The following GRIN2B variants were observed in gnomAD, a reference collection of about 807,000 sequenced individuals.
GRIN2B encodes the protein glutamate ionotropic receptor NMDA type subunit 2B, also known as glutamate receptor ionotropic, NMDA 2B.
Under a neutral mutation model 114.5 loss-of-function variants are expected in GRIN2B, and 5 were observed. That is an observed-to-expected ratio of 0.04 (90% CI 0.02 to 0.09). The LOEUF is 0.09. Ranked by LOEUF, GRIN2B falls within the 10% of genes least tolerant of loss-of-function variation. The pLI is 1.00. For synonymous variants in GRIN2B, 787 were observed against 745.1 expected (o/e 1.06, Z -0.92); for missense variants, 1,108 against 1,943.5 (o/e 0.57, Z 8.08).
chr12:13,815,049 G>C (rs745877389), intron 3 of GRIN2B, among the ~76,000 whole-genome samples: 5 of 151,908 alleles, frequency 3.3e-5, no homozygotes, highest in Non-Finnish European at 5.9e-5. Flanking sequence ...ACCTTTTATA[G>C]GTCAAAAACA....
intron 3 of GRIN2B, among the ~76,000 whole-genome samples, chr12:13,760,250 G>T (rs553905392): frequency 6.6e-6 from 1 of 152,158 alleles, no homozygotes; most frequent in East Asian, 1.9e-4. Context: ...GGCAGGGATC[G>T]GCATGTGTTT....
At chr12:13,637,156 A>C (rs1949673459) in intron 5 of GRIN2B, among the ~76,000 whole-genome samples, 1 of 152,186 alleles carries the variant, frequency 6.6e-6, no homozygotes. Flanking sequence ...AAGTTGAAAG[A>C]CTGGATTTTA....
chr12:13,712,992 T>A (rs1591690982), intron 4 of GRIN2B, among the ~76,000 whole-genome samples: 1 of 151,858 alleles, frequency 6.6e-6, no homozygotes, highest in Admixed American at 6.6e-5. Flanking sequence ...TGCTAAGTGA[T>A]GCAAGAAATC....
chr12:13,626,926 A>AC (rs1949574902), intron 5 of GRIN2B, among the ~76,000 whole-genome samples: 1 of 145,164 alleles, frequency 6.9e-6, no homozygotes, highest in Non-Finnish European at 1.5e-5. Flanking sequence ...ATTTTATTCC[A>AC]CCTCCTGGTC....
At chr12:13,899,540 C>G (rs1049924749) in intron 2 of GRIN2B, among the ~76,000 whole-genome samples, 1 of 143,634 alleles carries the variant, frequency 7.0e-6, no homozygotes, top group African/African-American at 2.4e-5. Context: ...GTTAGGCACA[C>G]AGCATAGTAG....
intron 3 of GRIN2B, among the ~76,000 whole-genome samples, chr12:13,763,729 G>A (rs141382676): frequency 6.6e-5 from 10 of 152,300 alleles, no homozygotes; most frequent in African/African-American, 2.4e-4. Flanking sequence ...CCACCCTGTG[G>A]CAGGCAACCC....
chr12:13,975,173 A>G (rs986078421), intron 2 of GRIN2B, among the ~76,000 whole-genome samples: 4 of 152,234 alleles, frequency 2.6e-5, no homozygotes, highest in Non-Finnish European at 4.4e-5. Flanking sequence ...TGCCAAGGCC[A>G]CTAACCATGG....
At chr12:13,699,886 C>CTTTTTT (rs5796554) in intron 4 of GRIN2B, among the ~76,000 whole-genome samples, 1 of 145,842 alleles carries the variant, frequency 6.9e-6, no homozygotes, top group Non-Finnish European at 1.5e-5. Context: ...CGCACCCAGC[C>CTTTTTT]TTTTTTTTTT....
intron 2 of GRIN2B, among the ~76,000 whole-genome samples, chr12:13,923,073 A>T (rs1292915856): frequency 6.6e-6 from 1 of 152,168 alleles, no homozygotes; most frequent in Non-Finnish European, 1.5e-5. Context: ...CTTTTTCTTT[A>T]AATCTAATAT....
At chr12:13,688,822 A>G (rs2136554849) in intron 4 of GRIN2B, among the ~76,000 whole-genome samples, 1 of 152,310 alleles carries the variant, frequency 6.6e-6, no homozygotes, top group Non-Finnish European at 1.5e-5. Flanking sequence ...TCAACTCTCA[A>G]TTGCCCTCAA....
chr12:13,944,313 C>T (rs1867325518), intron 2 of GRIN2B, among the ~76,000 whole-genome samples: 1 of 152,204 alleles, frequency 6.6e-6, no homozygotes, highest in Non-Finnish European at 1.5e-5. Context: ...CAACATTTCA[C>T]AACACTTCAC....
intron 3 of GRIN2B, among the ~76,000 whole-genome samples, chr12:13,810,456 G>A (rs1264792678): frequency 3.9e-5 from 6 of 152,046 alleles, no homozygotes; most frequent in Admixed American, 1.3e-4. Context: ...TAGCTTCGAG[G>A]TCTATCCTAT....
At chr12:13,761,003 C>A (rs1863671030) in intron 3 of GRIN2B, among the ~76,000 whole-genome samples, 1 of 152,156 alleles carries the variant, frequency 6.6e-6, no homozygotes, top group African/African-American at 2.4e-5. Flanking sequence ...TTCCGATGTT[C>A]TCCAGCCTCA....
At chr12:13,916,586 C>T (rs1464270836) in intron 2 of GRIN2B, among the ~76,000 whole-genome samples, 2 of 152,016 alleles carry the variant, frequency 1.3e-5, no homozygotes, top group Admixed American at 6.6e-5. Context: ...TGGTGGCTCA[C>T]GCCTATAATT....
At chr12:13,933,205 G>T (rs1277096486) in intron 2 of GRIN2B, among the ~76,000 whole-genome samples, 1 of 152,070 alleles carries the variant, frequency 6.6e-6, no homozygotes, top group East Asian at 1.9e-4. Flanking sequence ...CACCACCTCT[G>T]CAAATAGTAC....
chr12:13,855,504 C>T (rs563824127), intron 3 of GRIN2B, among the ~76,000 whole-genome samples: 1 of 152,104 alleles, frequency 6.6e-6, no homozygotes, highest in African/African-American at 2.4e-5. Context: ...AGGCCAGAAA[C>T]CTAAAATCAA....
At chr12:13,701,004 T>C (rs113475805) in intron 4 of GRIN2B, among the ~76,000 whole-genome samples, 40,960 of 151,640 alleles carry the variant, frequency 0.27, 6,113 homozygotes, top group Middle Eastern at 0.46. Context: ...GCTGGGGAGG[T>C]CTCAGGAAAC....
intron 5 of GRIN2B, among the ~76,000 whole-genome samples, chr12:13,633,901 G>A (rs1431985973): frequency 2.2e-5 from 3 of 137,730 alleles, no homozygotes; most frequent in South Asian, 2.6e-4. Context: ...CAGCGCCTAC[G>A]ACACAGCTGC....
chr12:13,795,310 G>C (rs1224732899), intron 3 of GRIN2B, among the ~76,000 whole-genome samples: 1 of 151,666 alleles, frequency 6.6e-6, no homozygotes, highest in East Asian at 1.9e-4. Flanking sequence ...GTAGATATAA[G>C]AAGGCAGTTA....
Sources: gnomAD v4.1 joint callset for allele counts (sites outside exome capture counted in the v4.1 genomes callset) on GRCh38, gnomAD v4.1.1 for gene constraint, MANE v1.5 for transcripts, NCBI Gene and HGNC (gene_info 2026-07-23, HGNC 2026-07-21) for gene names.